The following FCRL4 variants were observed in gnomAD, a reference collection of about 807,000 sequenced individuals.
FCRL4 encodes Fc receptor-like protein 4.
Under a neutral mutation model 64.1 loss-of-function variants are expected in FCRL4, and 43 were observed. That is an observed-to-expected ratio of 0.67 (90% CI 0.53 to 0.87). The LOEUF is 0.87. Among genes scored for constraint, FCRL4 ranks in the 40% least tolerant of loss-of-function variants. The pLI, the probability that FCRL4 is intolerant of heterozygous loss-of-function variation, is 0.00. For synonymous variants in FCRL4, 253 were observed against 239.8 expected (o/e 1.05, Z -0.51); for missense variants, 656 against 613.5 (o/e 1.07, Z -0.73).
chr1:157,580,887 A>G (rs1652543790), intron 7 of FCRL4, among the ~76,000 whole-genome samples: 1 of 152,262 alleles, frequency 6.6e-6, no homozygotes, highest in African/African-American at 2.4e-5. Context: ...TGTCTTCTAC[A>G]CCAGGTTTCT....
chr1:157,585,336 TTC>T (rs751051677), intron 6 of FCRL4, among the ~76,000 whole-genome samples: 33,760 of 129,188 alleles, frequency 0.26, 4,842 homozygotes, highest in Middle Eastern at 0.37. Context: ...CTCTCTTTCT[TTC>T]TCTCTCTCTT....
In FCRL4 at chr1:157,575,159, T is replaced by A. The variant is rs1652370395; in HGVS notation, c.*365A>T. The A allele has an allele frequency of 1.5e-5, 5 of 332,226 alleles. No homozygotes were observed. The Admixed American group carries it at 2.3e-4, about 15-fold the overall frequency. 20.6% of individuals were successfully genotyped at this position (332,226 alleles called of 1,614,324 possible). Reference sequence around the variant, plus strand: ...GATCCAGGTCACCCAGTCTTTTTCATCTCTGCAAATCCCAATTCACCAAAA... The same window carrying A: ...GATCCAGGTCACCCAGTCTTTTTCAACTCTGCAAATCCCAATTCACCAAAA... On this transcript the variant is annotated 3_prime_UTR_variant, in exon 12 of 12. Transcript: ENST00000271532.
intron 2 of FCRL4, among the ~76,000 whole-genome samples, chr1:157,594,925 G>A (rs1396762362): frequency 6.6e-6 from 1 of 152,172 alleles, no homozygotes; most frequent in Non-Finnish European, 1.5e-5. Context: ...TTTTCAGATA[G>A]AGTCTTACTC....
At chr1:157,588,806 G>C (rs900521575) in intron 3 of FCRL4, among the ~76,000 whole-genome samples, 7 of 152,152 alleles carry the variant, frequency 4.6e-5, no homozygotes, top group African/African-American at 1.7e-4. Context: ...ACAACGGGTG[G>C]GGATAAAAAG....
chr1:157,596,256 T>C, intron 2 of FCRL4, 72 bp downstream of exon 2: 2 of 1,503,648 alleles, frequency 1.3e-6, no homozygotes, highest in Admixed American at 3.4e-5. Context: ...GGGACTCTTG[T>C]AAGTATTTGA....
At chr1:157,578,967 T>A (rs1652483538) in intron 8 of FCRL4, 115 bp from the exon 9 acceptor site, 1 of 776,528 alleles carries the variant, frequency 1.3e-6, no homozygotes, top group Non-Finnish European at 2.1e-6. Flanking sequence ...CAGCAGCCAG[T>A]AGGGAACTGG....
rs909993075 is a variant in FCRL4, at chr1:157,581,622, G to A, written c.1158C>T (p.Gly386=). The A allele has an allele frequency of 4.3e-5, 70 of 1,613,846 alleles. No homozygotes were observed. Among genetic ancestry groups the A allele is most frequent in the Non-Finnish European group, 5.7e-5 (67 of 1,179,966 alleles). The stretch of plus-strand genomic sequence containing the variant: ...CTCCAGTGGCTCCCGCGGCGACAAG[G>A]CCATCTCTGTTGCCTGGGGTCTCTA... ...TVRETPGNRD[G]LVAAGATGGL... is the part of the protein sequence containing the mutation. The change falls in exon 7 of 12, where the codon GGC becomes GGT. Residue 386 remains glycine (G), a synonymous_variant. Coordinates refer to ENST00000271532, the MANE Select transcript of FCRL4 (RefSeq NM_031282.3).
At chr1:157,587,616 G>A (rs1036349101) in intron 4 of FCRL4, 56 bp from the exon 5 acceptor site, 4 of 1,562,854 alleles carry the variant, frequency 2.6e-6, no homozygotes, top group Middle Eastern at 1.8e-4. Context: ...GACTCTGTGA[G>A]AGACAGGTTT....
intron 2 of FCRL4, among the ~76,000 whole-genome samples, chr1:157,590,022 A>G (rs1652804764): frequency 6.6e-6 from 1 of 152,222 alleles, no homozygotes; most frequent in African/African-American, 2.4e-5. Context: ...TCCTTTTGTA[A>G]ATATGTCTCC....
At position 157,574,565 on chromosome 1, in the gene FCRL4, A is replaced by G. The variant is rs2101671870; in HGVS notation, c.*959T>C. 1 of 207,246 alleles carries G rather than the reference A, an allele frequency of 4.8e-6. No individual in the cohort carries two copies. Among genetic ancestry groups the G allele is most frequent in the Non-Finnish European group, 9.8e-6 (1 of 101,718 alleles). The allele number at this position is 207,246 out of a possible 1,614,324, so 12.8% of individuals were successfully genotyped here. A position where few individuals can be genotyped will look rare whatever the true frequency, so the allele number is the denominator to read the frequency against. On this transcript the variant is annotated 3_prime_UTR_variant, in exon 12 of 12. Transcript: ENST00000271532. ...CATTTATTGCAAGAATTATTCTCAT[A>G]TAAACTAATTAGTAACTCAAAGACA... is the stretch of plus-strand genomic sequence containing the variant.
intron 5 of FCRL4, 77 bp from the exon 6 acceptor site, chr1:157,586,532 G>T (rs1286442758): frequency 7.2e-7 from 1 of 1,398,082 alleles, no homozygotes; most frequent in Admixed American, 2.2e-5. Flanking sequence ...GTTGGGCAGG[G>T]TTACTTTTTA....
At chr1:157,596,011 A>G (rs755043408) in intron 2 of FCRL4, among the ~76,000 whole-genome samples, 1 of 152,100 alleles carries the variant, frequency 6.6e-6, no homozygotes, top group Non-Finnish European at 1.5e-5. Flanking sequence ...TCCTCTTGGG[A>G]TGCTATGCAT....
chr1:157,583,671 C>G (rs1433387490), intron 6 of FCRL4, among the ~76,000 whole-genome samples: 1 of 152,174 alleles, frequency 6.6e-6, no homozygotes, highest in East Asian at 1.9e-4. Context: ...AGACTTCCAG[C>G]CTCCAGAACT....
At chr1:157,580,167 A>C (rs1020414600) in intron 8 of FCRL4, among the ~76,000 whole-genome samples, 154 bp downstream of exon 8, 1 of 152,232 alleles carries the variant, frequency 6.6e-6, no homozygotes, top group African/African-American at 2.4e-5. Flanking sequence ...AAGTTCTAGG[A>C]AGCTTCATTT....
At chr1:157,588,325 C>G (rs1319532398) in intron 3 of FCRL4, among the ~76,000 whole-genome samples, 1 of 152,178 alleles carries the variant, frequency 6.6e-6, no homozygotes, top group Admixed American at 6.5e-5. Flanking sequence ...TTTTATCATT[C>G]AAAGTCAGAT....
chr1:157,588,128 GAC>G lies in FCRL4; in HGVS notation c.308-11_308-10del, dbSNP rs960494492. 1.2e-5 allele frequency: 19 copies of G among 1,596,108 alleles called. No individual in the cohort carries two copies. The African/African-American group carries it at 2.3e-4, about 19-fold the overall frequency. On this transcript the variant is annotated splice_polypyrimidine_tract_variant and intron_variant, in intron 3 of 11. Coordinates refer to ENST00000271532, the MANE Select transcript of FCRL4 (RefSeq NM_031282.3). Reference sequence around the variant, plus strand: ...CTGCAGGATTAAGGAGTCTGGAAAAGACACAGAGAGGAGATCGTCATTCAAAG... The same window carrying G: ...CTGCAGGATTAAGGAGTCTGGAAAAGACAGAGAGGAGATCGTCATTCAAAG...
Position 157,581,626 on chromosome 1 carries a change from T to A in FCRL4, c.1154A>T (p.Asp385Val). The A allele has an allele frequency of 6.2e-7, 1 of 1,613,804 alleles. No homozygotes were observed. The highest frequency in any genetic ancestry group is 8.5e-7 in the Non-Finnish European group (1 of 1,179,828). ...AGTGGCTCCCGCGGCGACAAGGCCA[T>A]CTCTGTTGCCTGGGGTCTCTAAGGG... is the stretch of plus-strand genomic sequence containing the variant. Reference protein sequence around the residue: ...VTVRETPGNRDGLVAAGATGG... With the variant: ...VTVRETPGNRVGLVAAGATGG... The change falls in exon 7 of 12, where the codon GAT becomes GTT. Residue 385 changes from aspartate to valine, a missense_variant. Transcript: ENST00000271532.
At position 157,575,424 on chromosome 1, in the gene FCRL4, G is replaced by T. The variant is rs1481659695; in HGVS notation, c.*100C>A. On this transcript the variant is annotated 3_prime_UTR_variant, in exon 12 of 12. Coordinates refer to ENST00000271532, the MANE Select transcript of FCRL4 (RefSeq NM_031282.3). ...ATGAGAAGAATTAGAAAGCTGGAAT[G>T]AGTTGATCATTCCAGGGGCCGCAAG... 5.0e-6 allele frequency: 4 copies of T among 806,596 alleles called. No individual in the cohort carries two copies. The highest frequency in any genetic ancestry group is 3.4e-5 in the African/African-American group (2 of 58,844). 50.0% of individuals were successfully genotyped at this position (806,596 alleles called of 1,614,324 possible).
chr1:157,578,706 G>A, intron 9 of FCRL4, 64 bp downstream of exon 9: 1 of 1,532,622 alleles, frequency 6.5e-7, no homozygotes, highest in South Asian at 1.1e-5. Context: ...ATTTCCCAGG[G>A]CTGAAAGCGC....
Sources: gnomAD v4.1 joint callset for allele counts (sites outside exome capture counted in the v4.1 genomes callset) on GRCh38, gnomAD v4.1.1 for gene constraint, MANE v1.5 for transcripts, NCBI Gene and HGNC (gene_info 2026-07-23, HGNC 2026-07-21) for gene names.